Variants in SAPCD2 observed in about 807,000 individuals in gnomAD.
The protein encoded by SAPCD2 is suppressor APC domain-containing protein 2.
A neutral mutation model predicts 37.8 loss-of-function variants in SAPCD2; 34 were observed. The observed-to-expected ratio is 0.90, with a 90% confidence interval of 0.68 to 1.20. The LOEUF is 1.20. SAPCD2 is among the 50% of genes most tolerant of loss of function. The probability of loss-of-function intolerance (pLI) is 0.00; values close to 1 mark genes in which losing one functional copy is unlikely to be tolerated. For missense variants in SAPCD2, 572 were observed against 584.7 expected, an observed-to-expected ratio of 0.98 and a Z score of 0.22; for synonymous variants, 275 against 270.3, an observed-to-expected ratio of 1.02 and a Z score of -0.17.
At position 137,070,297 on chromosome 9, in the gene SAPCD2, C is replaced by A; in HGVS notation, c.164G>T (p.Arg55Leu). The A allele has an allele frequency of 6.8e-7, 1 of 1,475,294 alleles. No homozygotes were observed. Among genetic ancestry groups the A allele is most frequent in the Admixed American group, 2.2e-5 (1 of 46,486 alleles). 91.4% of individuals were successfully genotyped at this position (1,475,294 alleles called of 1,614,324 possible). The change falls in exon 1 of 6, where the codon CGC (arginine) becomes CTC (leucine). Residue 55 changes from arginine to leucine, a missense_variant. By Grantham distance (102) the Arg-to-Leu change is moderately radical. Transcript: ENST00000409687. The stretch of plus-strand genomic sequence containing the variant: ...CTCCCGCGCGTCGGTGCCCTGCCAG[C>A]GGGACTCGATCTCGCGCAGGTGCAC... ...GCVHLREIESRWQGTDARELP... is the reference protein window; with the variant it reads ...GCVHLREIESLWQGTDARELP...
chr9:137,070,387 G>A lies in SAPCD2; in HGVS notation c.74C>T (p.Pro25Leu), dbSNP rs1265014582. The change falls in exon 1 of 6, where the codon CCG becomes CTG. Residue 25 changes from proline (P) to leucine (L), a missense_variant. Transcript: ENST00000409687. ...GCGCAGGCTCTGCAGGAAGGCGCGC[G>A]GCAGCCCCTCCGTGCTGGGCGCGGG... ...PAPAPSTEGLPRAFLQSLRTL... is the reference protein window; with the variant it reads ...PAPAPSTEGLLRAFLQSLRTL... The A allele has an allele frequency of 7.2e-7, 1 of 1,395,800 alleles. No individual in the cohort carries two copies. The highest frequency in any genetic ancestry group is 9.3e-7 in the Non-Finnish European group (1 of 1,070,286). 86.5% of individuals were successfully genotyped at this position (1,395,800 alleles called of 1,614,324 possible). A position where few individuals can be genotyped will look rare whatever the true frequency, so the allele number is the denominator to read the frequency against.
chr9:137,066,967 G>A (rs1361831050), intron 1 of SAPCD2, among the ~76,000 whole-genome samples: 1 of 152,058 alleles, frequency 6.6e-6, no homozygotes, highest in African/African-American at 2.4e-5. Context: ...GACCAGCCTG[G>A]GCAACATGGC....
Position 137,070,127 on chromosome 9 carries a change from G to C in SAPCD2, c.334C>G (p.Pro112Ala). The change falls in exon 1 of 6, where the codon CCC becomes GCC. Residue 112 changes from proline (P) to alanine (A), a missense_variant. Pro to Ala is a conservative substitution (Grantham distance 27, BLOSUM62 -1). Transcript: ENST00000409687. ...GGCGGCGGCGGCGGCTGATCCCCGG[G>C]CCGGGCCGGGGCGCGCGTGGGGTCC... is the stretch of plus-strand genomic sequence containing the variant. ...PRDPTRAPAR[P>A]GDQPPPPPQR... 2 of 1,194,378 alleles carry C rather than the reference G, an allele frequency of 1.7e-6. No homozygotes were observed. Among genetic ancestry groups the C allele is most frequent in the Non-Finnish European group, 2.1e-6 (2 of 965,200 alleles). The allele number at this position is 1,194,378 out of a possible 1,614,324, so 74.0% of individuals were successfully genotyped here.
rs749975407 is a variant in SAPCD2, at chr9:137,065,502, G to A, written c.831+20C>T. On this transcript the variant is annotated intron_variant, in intron 3 of 5. Transcript: ENST00000409687. Reference sequence around the variant, plus strand: ...GGGTCCCCATGTGTGGGGATCTGGGGACAGGGCTGTGGCACTCACGGCGCT... The same window carrying A: ...GGGTCCCCATGTGTGGGGATCTGGGAACAGGGCTGTGGCACTCACGGCGCT... 5 of 1,579,222 alleles carry A rather than the reference G, an allele frequency of 3.2e-6. No homozygotes were observed. The South Asian group carries it at 5.6e-5, about 18-fold the overall frequency.
chr9:137,065,875 T>C (rs1353764178), intron 2 of SAPCD2, among the ~76,000 whole-genome samples: 1 of 152,130 alleles, frequency 6.6e-6, no homozygotes, highest in Non-Finnish European at 1.5e-5. Context: ...AGGAGCCCCG[T>C]TCCTCCTGCT....
chr9:137,066,114 G>A (rs1207085948), intron 2 of SAPCD2, 148 bp downstream of exon 2: 3 of 697,284 alleles, frequency 4.3e-6, no homozygotes, highest in Non-Finnish European at 7.4e-6. Flanking sequence ...CCCTCCAGGG[G>A]AGTCAAGCCC....
rs1490762582 is a variant in SAPCD2 at position 137,066,315 on chromosome 9, C to T, written c.631G>A (p.Ala211Thr). The change falls in exon 2 of 6, where the codon GCC becomes ACC. Residue 211 changes from alanine (A) to threonine (T), a missense_variant. By Grantham distance (58) the Ala-to-Thr change is moderately conservative (BLOSUM62 0). Transcript: ENST00000409687. ...DSGDARRAPR[A>T]RGERRRHTIA... ...GTGTGCCTCCGACGTTCCCCTCGGGCACGGGGAGCCCGCCGGGCATCCCCT... is the reference window on the plus strand; with the variant it reads ...GTGTGCCTCCGACGTTCCCCTCGGGTACGGGGAGCCCGCCGGGCATCCCCT... The T allele has an allele frequency of 1.9e-6, 3 of 1,610,006 alleles. No individual in the cohort carries two copies. Among genetic ancestry groups the T allele is most frequent in the Non-Finnish European group, 1.7e-6 (2 of 1,179,130 alleles).
At position 137,070,002 on chromosome 9, in the gene SAPCD2, G is replaced by A; in HGVS notation, c.459C>T (p.Ala153=). The change falls in exon 1 of 6, where the codon GCC becomes GCT. Residue 153 remains alanine, a synonymous_variant. Coordinates refer to ENST00000409687, the MANE Select transcript of SAPCD2 (RefSeq NM_178448.4). ...ACAGCTGCTCCGGGCTGCGGGCGGC[G>A]GCGCTGGGACCGGCCAGAGGGGCGC... ...GVRAPLAGPS[A]AARSPEQLCA... 8.2e-7 allele frequency: 1 copy of A among 1,217,858 alleles called. No homozygotes were observed. Among genetic ancestry groups the A allele is most frequent in the Non-Finnish European group, 1.0e-6 (1 of 979,264 alleles). The allele number at this position is 1,217,858 out of a possible 1,614,324, so 75.4% of individuals were successfully genotyped here.
chr9:137,070,478 C>T lies in SAPCD2; in HGVS notation c.-18G>A, dbSNP rs1350654590. 4 of 1,212,424 alleles carry T rather than the reference C, an allele frequency of 3.3e-6. No individual in the cohort carries two copies. Among genetic ancestry groups the T allele is most frequent in the Non-Finnish European group, 4.1e-6 (4 of 975,488 alleles). The allele number at this position is 1,212,424 out of a possible 1,614,324, so 75.1% of individuals were successfully genotyped here. Reference sequence around the variant, plus strand: ...CCGGCCATGGGCGCCCGGGATCGGTCCCCTCGTCCACCCGCGTGCGTCCCA... The same window carrying T: ...CCGGCCATGGGCGCCCGGGATCGGTTCCCTCGTCCACCCGCGTGCGTCCCA... On this transcript the variant is annotated 5_prime_UTR_variant, in exon 1 of 6. Coordinates refer to ENST00000409687, the MANE Select transcript of SAPCD2 (RefSeq NM_178448.4).
rs1463999139 is a variant in SAPCD2, at chr9:137,064,706, C to T, written c.1138G>A (p.Ala380Thr). Residue 380 changes from alanine (A) to threonine (T), a missense_variant, in exon 6 of 6, where the codon GCC (alanine) becomes ACC (threonine). Ala to Thr is a moderately conservative substitution (Grantham distance 58, BLOSUM62 0). Transcript: ENST00000409687. The part of the protein sequence containing the change: ...ALIKQLFEAR[A>T]LSQQDGGPLD... The stretch of plus-strand genomic sequence containing the variant: ...GGTCCCCCGTCCTGCTGGCTCAGGG[C>T]GCGGGCCTCAAACAGCTGCTTAATG... The T allele has an allele frequency of 1.6e-5, 26 of 1,594,984 alleles. No homozygotes were observed. Among genetic ancestry groups the T allele is most frequent in the Admixed American group, 1.2e-4 (7 of 57,876 alleles).
Position 137,070,297 on chromosome 9 carries a change from C to G in SAPCD2, c.164G>C (p.Arg55Pro). ...GCVHLREIES[R>P]WQGTDARELP... ...CTCCCGCGCGTCGGTGCCCTGCCAGCGGGACTCGATCTCGCGCAGGTGCAC... is the reference window on the plus strand; with the variant it reads ...CTCCCGCGCGTCGGTGCCCTGCCAGGGGGACTCGATCTCGCGCAGGTGCAC... Residue 55 changes from arginine to proline, a missense_variant, in exon 1 of 6, where the codon CGC becomes CCC. By Grantham distance (103) the Arg-to-Pro change is moderately radical. Coordinates refer to ENST00000409687, the MANE Select transcript of SAPCD2 (RefSeq NM_178448.4). 4 of 1,475,294 alleles carry G rather than the reference C, an allele frequency of 2.7e-6. No homozygotes were observed. The highest frequency in any genetic ancestry group is 3.6e-6 in the Non-Finnish European group (4 of 1,116,144). 91.4% of individuals were successfully genotyped at this position (1,475,294 alleles called of 1,614,324 possible).
At position 137,070,056 on chromosome 9, in the gene SAPCD2, C is replaced by T. The variant is rs879746369; in HGVS notation, c.405G>A (p.Leu135=). The T allele has an allele frequency of 8.3e-7, 1 of 1,198,606 alleles. No individual in the cohort carries two copies. The highest frequency in any genetic ancestry group is 1.0e-6 in the Non-Finnish European group (1 of 966,784). 74.2% of individuals were successfully genotyped at this position (1,198,606 alleles called of 1,614,324 possible). A position where few individuals can be genotyped will look rare whatever the true frequency, so the allele number is the denominator to read the frequency against. Residue 135 remains leucine, a synonymous_variant, in exon 1 of 6, where the codon CTG becomes CTA. Transcript: ENST00000409687. ...CGCCCAGGGGCAGGGGCTTCCTCTC[C>T]AGGACCGTCCGCGGCTCGTCGGCCG... ...FAPADEPRTV[L]ERKPLPLGVR...
chr9:137,067,296 C>A (rs1201539595), intron 1 of SAPCD2, among the ~76,000 whole-genome samples: 1 of 151,184 alleles, frequency 6.6e-6, no homozygotes, highest in Non-Finnish European at 1.5e-5. Flanking sequence ...GCCGGCAATA[C>A]CCCATTTCTA....
chr9:137,068,426 G>A (rs1832579359), intron 1 of SAPCD2, among the ~76,000 whole-genome samples: 1 of 152,232 alleles, frequency 6.6e-6, no homozygotes, highest in Admixed American at 6.5e-5. Context: ...TGAGCCAGCA[G>A]GCCACACCTC....
intron 4 of SAPCD2, 27 bp downstream of exon 4, chr9:137,065,051 G>A: frequency 6.7e-7 from 1 of 1,499,022 alleles, no homozygotes. Context: ...GCCCCAGCGT[G>A]GGTGTGGGGG....
intron 1 of SAPCD2, among the ~76,000 whole-genome samples, chr9:137,066,601 A>C (rs1681569056): frequency 1.3e-5 from 2 of 152,148 alleles, no homozygotes; most frequent in African/African-American, 4.8e-5. Context: ...TGTTTGCTCA[A>C]ACACACACCC....
chr9:137,065,651 C>T lies in SAPCD2; in HGVS notation c.702G>A (p.Glu234=), dbSNP rs762595537. The T allele has an allele frequency of 2.5e-6, 4 of 1,604,902 alleles. No homozygotes were observed. The Admixed American group carries it at 5.1e-5, about 20-fold the overall frequency. The change falls in exon 3 of 6, where the codon GAG becomes GAA. Residue 234 remains glutamate (E), a synonymous_variant. Transcript: ENST00000409687. The part of the protein sequence containing the change: ...VDCGLLKQMK[E]LEQEKEVLLQ... ...GCAGCACCTCCTTCTCCTGCTCCAGCTCCTTCATCTGCTTCAGCTGCAATA... is the reference window on the plus strand; with the variant it reads ...GCAGCACCTCCTTCTCCTGCTCCAGTTCCTTCATCTGCTTCAGCTGCAATA...
chr9:137,065,398 G>A, intron 3 of SAPCD2, 124 bp downstream of exon 3: 1 of 1,254,096 alleles, frequency 8.0e-7, no homozygotes, highest in Non-Finnish European at 1.1e-6. Context: ...GGATGTCTCA[G>A]CATCCTGGGT....
intron 3 of SAPCD2, 21 bp from the exon 4 acceptor site, chr9:137,065,206 A>G (rs1480232130): frequency 1.4e-6 from 2 of 1,424,180 alleles, no homozygotes; most frequent in South Asian, 2.9e-5. Flanking sequence ...AGCAGAGGAC[A>G]AGCGGTCAGA....
Sources: gnomAD v4.1 joint callset for allele counts (sites outside exome capture counted in the v4.1 genomes callset) on GRCh38, gnomAD v4.1.1 for gene constraint, MANE v1.5 for transcripts, NCBI Gene and HGNC (gene_info 2026-07-23, HGNC 2026-07-21) for gene names.